The following PRKCZ variants were observed in gnomAD, a reference collection of about 807,000 sequenced individuals.
PRKCZ encodes protein kinase C zeta.
PRKCZ carries 33 observed loss-of-function variants against 79.5 expected under a neutral mutation model. The ratio of observed to expected loss-of-function variants is 0.41; its 90% CI spans 0.31 to 0.55. PRKCZ has a LOEUF of 0.55. Among genes scored for constraint, PRKCZ ranks in the 20% least tolerant of loss-of-function variants. The pLI is 0.19. For missense variants in PRKCZ, 578 were observed against 813.5 expected (o/e 0.71, Z 3.52); for synonymous variants, 342 against 320.9 (o/e 1.07, Z -0.70).
chr1:2,172,625 G>T lies in PRKCZ; in HGVS notation c.1285+237G>T, dbSNP rs534801986. ...CACTGCACAGGATTCCTCCTGCCAG[G>T]GAGCCCCGGGGCACAGGGAGGGGAA... On this transcript the variant is annotated intron_variant, in intron 13 of 17. Transcript: ENST00000378567. The surrounding 1 kb of genome is among the most constrained non-coding windows in gnomAD (Gnocchi z 7.8). Among the ~76,000 whole-genome samples, 69 of 152,308 alleles carry T rather than the reference G, an allele frequency of 4.5e-4. No homozygotes were observed. Among genetic ancestry groups the T allele is most frequent in the Admixed American group, 1.4e-3 (22 of 15,308 alleles).
rs907130519 is a variant in PRKCZ, at chr1:2,149,153, G to A, written c.687+229G>A. Reference sequence around the variant, plus strand: ...GCAGCTGTCCCCGCAGGTGGTCTGGGGACCACACCCTGCGGGGGAAGCCGT... The same window carrying A: ...GCAGCTGTCCCCGCAGGTGGTCTGGAGACCACACCCTGCGGGGGAAGCCGT... On this transcript the variant is annotated intron_variant, in intron 8 of 17. Coordinates refer to ENST00000378567, the MANE Select transcript of PRKCZ (RefSeq NM_002744.6). The surrounding 1 kb of genome is among the most constrained non-coding windows in gnomAD (Gnocchi z 4.1). Among the ~76,000 whole-genome samples the A allele has an allele frequency of 6.6e-6, 1 of 152,192 alleles. No homozygotes were observed. The highest frequency in any genetic ancestry group is 1.5e-5 in the Non-Finnish European group (1 of 68,034).
At chr1:2,146,724 C>G (rs1478773923) in intron 7 of PRKCZ, among the ~76,000 whole-genome samples, 1 of 152,192 alleles carries the variant, frequency 6.6e-6, no homozygotes, top group African/African-American at 2.4e-5. Context: ...TGAGTTCTGT[C>G]TCATTGGGAG....
chr1:2,101,955 G>T (rs1456272358), intron 4 of PRKCZ, among the ~76,000 whole-genome samples: 1 of 152,244 alleles, frequency 6.6e-6, no homozygotes, highest in Non-Finnish European at 1.5e-5. Context: ...GTAATGACAA[G>T]TCAGGAATGT....
intron 4 of PRKCZ, among the ~76,000 whole-genome samples, chr1:2,063,671 C>G (rs1158347532): frequency 6.6e-6 from 1 of 152,142 alleles, no homozygotes; most frequent in Non-Finnish European, 1.5e-5. Flanking sequence ...GCATTTTCCA[C>G]CCCCTGCAAT....
Position 2,059,537 on chromosome 1 carries a change from C to A in PRKCZ, c.284-4C>A. 6.2e-7 allele frequency: 1 copy of A among 1,614,122 alleles called. No individual in the cohort carries two copies. Among genetic ancestry groups the A allele is most frequent in the Non-Finnish European group, 8.5e-7 (1 of 1,179,990 alleles). On this transcript the variant is annotated splice_polypyrimidine_tract_variant and splice_region_variant and intron_variant, in intron 3 of 17. Coordinates refer to ENST00000378567, the MANE Select transcript of PRKCZ (RefSeq NM_002744.6). ...GACGCTGTCTCTTTCTCTCTCTTGT[C>A]CAGTTTTCCCGAGCACCCCTGAGCA...
chr1:2,172,235 C>G lies in PRKCZ; in HGVS notation c.1197+45C>G. The G allele has an allele frequency of 6.2e-7, 1 of 1,613,474 alleles. No homozygotes were observed. The highest frequency in any genetic ancestry group is 1.1e-5 in the South Asian group (1 of 91,090). ...TCCCCTGACCATCCCGCATGTGCGT[C>G]TCGGGGCGCCTGTCCCGCGGGGTAG... On this transcript the variant is annotated intron_variant, in intron 12 of 17. Coordinates refer to ENST00000378567, the MANE Select transcript of PRKCZ (RefSeq NM_002744.6). The surrounding 1 kb of genome is among the most constrained non-coding windows in gnomAD (Gnocchi z 7.8).
At chr1:2,146,208 C>T (rs1366226337) in intron 7 of PRKCZ, 100 bp downstream of exon 7, 2 of 1,182,332 alleles carry the variant, frequency 1.7e-6, no homozygotes, top group South Asian at 1.3e-5. Flanking sequence ...CCCATCTGCT[C>T]TGCAGGGGTC....
chr1:2,127,699 C>G lies in PRKCZ; in HGVS notation c.335-7563C>G, dbSNP rs556000330. 1.3e-5 allele frequency among the ~76,000 whole-genome samples: 2 copies of G among 152,356 alleles called. No homozygotes were observed. Among genetic ancestry groups the G allele is most frequent in the East Asian group, 3.9e-4 (2 of 5,186 alleles). On this transcript the variant is annotated intron_variant, in intron 4 of 17. Coordinates refer to ENST00000378567, the MANE Select transcript of PRKCZ (RefSeq NM_002744.6). This position sits in a 1 kb window ranked among gnomAD's most constrained non-coding sequence, Gnocchi z 5.1. ...AATAGGCGAACGGCGTCTCCCGCGG[C>G]TCCCGGTGGCTTTTTAGGACTCTGC...
At position 2,165,787 on chromosome 1, in the gene PRKCZ, T is replaced by C. The variant is rs190706446; in HGVS notation, c.975-3731T>C. Among the ~76,000 whole-genome samples the C allele has an allele frequency of 1.4e-4, 21 of 152,242 alleles. No homozygotes were observed. In the East Asian group the frequency reaches 2.5e-3, roughly 18 times the overall value. ...TGTGCCTCCAGGAGAGGGCTGTGGT[T>C]CCTCCCTCTGAGCCGGGCACCTTGC... On this transcript the variant is annotated intron_variant, in intron 10 of 17. Coordinates refer to ENST00000378567, the MANE Select transcript of PRKCZ (RefSeq NM_002744.6). The surrounding 1 kb of genome is among the most constrained non-coding windows in gnomAD (Gnocchi z 4.1).
intron 3 of PRKCZ, among the ~76,000 whole-genome samples, chr1:2,057,610 A>G (rs1571091331): frequency 1.3e-5 from 2 of 152,300 alleles, no homozygotes; most frequent in Middle Eastern, 3.4e-3. Flanking sequence ...TCACAACTGT[A>G]ATCCCAGCAC....
intron 15 of PRKCZ, 123 bp from the exon 16 acceptor site, chr1:2,175,101 C>A: frequency 1.2e-6 from 1 of 843,640 alleles, no homozygotes; most frequent in Non-Finnish European, 1.9e-6. Context: ...CATCTGATTT[C>A]CACCACCTGG....
chr1:2,132,856 C>T (rs1439507914), intron 4 of PRKCZ, among the ~76,000 whole-genome samples: 1 of 152,242 alleles, frequency 6.6e-6, no homozygotes, highest in Non-Finnish European at 1.5e-5. Context: ...ACCGCTGTGA[C>T]AGAACCCCAC....
intron 9 of PRKCZ, among the ~76,000 whole-genome samples, chr1:2,151,272 C>A (rs960414320): frequency 6.6e-6 from 1 of 152,266 alleles, no homozygotes; most frequent in Non-Finnish European, 1.5e-5. Flanking sequence ...GCTGCAAGCC[C>A]GTACGGCTGT....
At chr1:2,062,937 C>T (rs917511702) in intron 4 of PRKCZ, among the ~76,000 whole-genome samples, 2 of 152,152 alleles carry the variant, frequency 1.3e-5, no homozygotes, top group African/African-American at 4.8e-5. Flanking sequence ...CCCCATTCTG[C>T]CTCCCCCAGC....
chr1:2,148,832 C>T (rs1306425365), intron 7 of PRKCZ, 40 bp from the exon 8 acceptor site: 1 of 1,603,624 alleles, frequency 6.2e-7, no homozygotes, highest in South Asian at 1.1e-5. Context: ...GCGTTCCTGA[C>T]CACACCGTAA....
chr1:2,145,582 G>A (rs1269359841), intron 6 of PRKCZ: 1 of 176,364 alleles, frequency 5.7e-6, no homozygotes, highest in Non-Finnish European at 1.2e-5. Context: ...CTATATTACA[G>A]TATACCCATT....
At chr1:2,150,116 C>G (rs1330632522) in intron 8 of PRKCZ, among the ~76,000 whole-genome samples, 2 of 144,428 alleles carry the variant, frequency 1.4e-5, no homozygotes, top group Non-Finnish European at 3.0e-5. Context: ...GAGTCGAGAT[C>G]GTGCCACTGC....
At chr1:2,089,290 G>C (rs910289640) in intron 4 of PRKCZ, among the ~76,000 whole-genome samples, 4 of 152,216 alleles carry the variant, frequency 2.6e-5, no homozygotes, top group African/African-American at 9.6e-5. Flanking sequence ...AAACGTGGGG[G>C]TGACGGTGTG....
At chr1:2,049,346 T>C (rs921208855), upstream of PRKCZ, 3 of 151,672 alleles carry the variant, frequency 2.0e-5, no homozygotes, top group South Asian at 2.1e-4. Context: ...AAACGGTGTT[T>C]AAGAAGAAAA....
Sources: gnomAD v4.1 joint callset for allele counts (sites outside exome capture counted in the v4.1 genomes callset) on GRCh38, gnomAD v4.1.1 for gene constraint, Gnocchi (gnomAD v3.1) non-coding constraint, MANE v1.5 for transcripts, NCBI Gene and HGNC (gene_info 2026-07-23, HGNC 2026-07-21) for gene names.